Variants in NELL2 observed in about 807,000 individuals in gnomAD.
NELL2 encodes the protein neural EGFL like 2, also known as protein kinase C-binding protein NELL2.
A neutral mutation model predicts 109.6 loss-of-function variants in NELL2; 41 were observed. That is an observed-to-expected ratio of 0.37 (90% confidence interval 0.29 to 0.49). The LOEUF (loss-of-function observed/expected upper bound fraction) is 0.49. Among genes scored for constraint, NELL2 ranks in the 20% least tolerant of loss-of-function variants. The pLI, the probability that NELL2 is intolerant of heterozygous loss-of-function variation, is 0.98. For missense variants in NELL2, 900 were observed against 1,008.3 expected (o/e 0.89, Z 1.45); for synonymous variants, 355 against 344.7 (o/e 1.03, Z -0.33).
chr12:44,805,382 C>T (rs1188296755), intron 3 of NELL2, among the ~76,000 whole-genome samples: 2 of 151,820 alleles, frequency 1.3e-5, no homozygotes, highest in Non-Finnish European at 2.9e-5. Context: ...AGTATCTCTG[C>T]AGAAATCAAC....
At chr12:44,614,449 C>G (rs1461667217) in intron 13 of NELL2, among the ~76,000 whole-genome samples, 1 of 151,662 alleles carries the variant, frequency 6.6e-6, no homozygotes, top group East Asian at 1.9e-4. Context: ...AATATTTTTC[C>G]CTGTGTGTCA....
intron 13 of NELL2, among the ~76,000 whole-genome samples, chr12:44,641,970 T>C (rs1946874391): frequency 6.6e-6 from 1 of 152,090 alleles, no homozygotes; most frequent in Admixed American, 6.6e-5. Flanking sequence ...GTGCTGGGAT[T>C]ATAGGCATAA....
At chr12:44,820,122 G>A (rs947557420) in intron 2 of NELL2, among the ~76,000 whole-genome samples, 1 of 152,120 alleles carries the variant, frequency 6.6e-6, no homozygotes, top group African/African-American at 2.4e-5. Context: ...ACAGTTTTCG[G>A]TTCTCTGTCC....
upstream of NELL2, chr12:44,876,573 A>G (rs1945333404): frequency 1.3e-6 from 2 of 1,498,990 alleles, no homozygotes; most frequent in Non-Finnish European, 8.9e-7. Context: ...TCTAAATCCA[A>G]GGTGCTAAGT....
rs867062650 is a variant in NELL2 at position 44,544,811 on chromosome 12, C to T, written c.1664-12090G>A. 2.6e-5 allele frequency among the ~76,000 whole-genome samples: 4 copies of T among 151,972 alleles called. No homozygotes were observed. The South Asian group carries it at 8.3e-4, about 31-fold the overall frequency. On this transcript the variant is annotated intron_variant, in intron 15 of 19. Transcript: ENST00000429094. ...GAGACAGAAGCTTTGGACAAGATAT[C>T]AGGGCTGGAAACATGAGGGTAACCT...
intron 16 of NELL2, among the ~76,000 whole-genome samples, chr12:44,528,062 C>T (rs992413169): frequency 6.1e-4 from 78 of 127,550 alleles, no homozygotes; most frequent in African/African-American, 2.2e-3. Flanking sequence ...CGCCTCACTG[C>T]ACTCCAGCCT....
intron 15 of NELL2, among the ~76,000 whole-genome samples, chr12:44,547,659 T>C (rs1942853935): frequency 6.6e-6 from 1 of 152,210 alleles, no homozygotes; most frequent in South Asian, 2.1e-4. Context: ...CAGAATGAAT[T>C]ACAAGAGTGG....
intron 12 of NELL2, among the ~76,000 whole-genome samples, chr12:44,667,590 A>G (rs1947969594): frequency 6.6e-6 from 1 of 152,212 alleles, no homozygotes; most frequent in Admixed American, 6.5e-5. Context: ...TAGGGTGAGG[A>G]TTCAAGATGT....
upstream of NELL2, among the ~76,000 whole-genome samples, chr12:44,918,517 ATGTGTG>A (rs10589306): frequency 0.014 from 1,750 of 123,912 alleles, 32 homozygotes; most frequent in African/African-American, 0.046. Context: ...GCATGCATGT[ATGTGTG>A]TGTGTGTGTG....
intron 1 of NELL2, among the ~76,000 whole-genome samples, chr12:44,897,549 C>A (rs1230036890): frequency 1.3e-5 from 2 of 152,130 alleles, no homozygotes; most frequent in Admixed American, 6.5e-5. Flanking sequence ...CAAGGGAAGC[C>A]GTGAGGGACT....
intron 9 of NELL2, among the ~76,000 whole-genome samples, chr12:44,747,300 A>G (rs1264214774): frequency 6.8e-6 from 1 of 146,454 alleles, no homozygotes; most frequent in African/African-American, 2.5e-5. Context: ...GGACTGTTGT[A>G]AGGTGGGGGA....
At chr12:44,546,693 A>G (rs1279471409) in intron 15 of NELL2, among the ~76,000 whole-genome samples, 2 of 152,196 alleles carry the variant, frequency 1.3e-5, no homozygotes, top group Admixed American at 6.5e-5. Context: ...GTTCACTTTA[A>G]CAACCTATTT....
intron 15 of NELL2, among the ~76,000 whole-genome samples, chr12:44,605,480 A>G (rs1049763045): frequency 1.3e-5 from 2 of 152,178 alleles, no homozygotes; most frequent in African/African-American, 4.8e-5. Flanking sequence ...GTCTTCTTAC[A>G]GACTGAAGGT....
Position 44,662,085 on chromosome 12 carries a change from T to A in NELL2, c.1444+3399A>T, listed in dbSNP as rs145961898. Among the ~76,000 whole-genome samples, 3 of 152,316 alleles carry A rather than the reference T, an allele frequency of 2.0e-5. No individual in the cohort carries two copies. The East Asian group carries it at 5.8e-4, about 29-fold the overall frequency. On this transcript the variant is annotated intron_variant, in intron 13 of 19. Transcript: ENST00000429094. ...CACCTTCAATGAAAGGAAAATTATA[T>A]TGAGTTTAGAAGAGCAAAAACAAAT...
intron 12 of NELL2, among the ~76,000 whole-genome samples, chr12:44,683,447 C>G (rs1948599971): frequency 6.6e-6 from 1 of 151,370 alleles, no homozygotes; most frequent in African/African-American, 2.5e-5. Flanking sequence ...CCAGAAACTC[C>G]AACACTATGT....
intron 13 of NELL2, among the ~76,000 whole-genome samples, chr12:44,653,435 C>T (rs1165849826): frequency 6.6e-6 from 1 of 152,112 alleles, no homozygotes; most frequent in East Asian, 1.9e-4. Context: ...AAAAGGGGGC[C>T]AGGGAAAGAT....
At chr12:44,816,233 T>C (rs1351544894) in intron 2 of NELL2, 97 bp from the exon 3 acceptor site, 1 of 1,063,340 alleles carries the variant, frequency 9.4e-7, no homozygotes, top group East Asian at 2.5e-5. Flanking sequence ...ATCAAGTTTA[T>C]CAGTAGCAGC....
At chr12:44,909,488 C>T (rs996732193) in intron 1 of NELL2, among the ~76,000 whole-genome samples, 1 of 151,588 alleles carries the variant, frequency 6.6e-6, no homozygotes, top group African/African-American at 2.4e-5. Context: ...TTGGAAGAAC[C>T]ACAATCATTA....
intron 9 of NELL2, among the ~76,000 whole-genome samples, chr12:44,728,301 A>G (rs1411021129): frequency 6.6e-6 from 1 of 152,088 alleles, no homozygotes; most frequent in African/African-American, 2.4e-5. Flanking sequence ...ATTTTTTAAA[A>G]TGACCAAACA....
Sources: gnomAD v4.1 joint callset for allele counts (sites outside exome capture counted in the v4.1 genomes callset) on GRCh38, gnomAD v4.1.1 for gene constraint, MANE v1.5 for transcripts, NCBI Gene and HGNC (gene_info 2026-07-23, HGNC 2026-07-21) for gene names.